The following STXBP4 variants were observed in gnomAD, a reference collection of about 807,000 sequenced individuals.
STXBP4 encodes syntaxin binding protein 4, also known as syntaxin-binding protein 4.
STXBP4 carries 55 observed loss-of-function variants against 76.1 expected under a neutral mutation model. That is an observed-to-expected ratio of 0.72 (90% CI 0.58 to 0.91). STXBP4 has a LOEUF of 0.91. Ranked by LOEUF, STXBP4 falls within the 40% of genes least tolerant of loss-of-function variation. The probability of loss-of-function intolerance (pLI) is 0.00; values close to 1 mark genes in which losing one functional copy is unlikely to be tolerated. For missense variants in STXBP4, 618 were observed against 636.9 expected (o/e 0.97, Z 0.32); for synonymous variants, 201 against 220.2 (o/e 0.91, Z 0.77).
chr17:55,138,574 A>G (rs2080061083), intron 16 of STXBP4, among the ~76,000 whole-genome samples: 1 of 152,114 alleles, frequency 6.6e-6, no homozygotes, highest in Non-Finnish European at 1.5e-5. Flanking sequence ...CAATACTTCT[A>G]ATCAAAAGCA....
the STXBP4 span, among the ~76,000 whole-genome samples, chr17:55,196,348 C>G: frequency 6.6e-6 from 1 of 152,146 alleles, no homozygotes; most frequent in Non-Finnish European, 1.5e-5. Context: ...ACCCCATACT[C>G]CAGCCAGCTC....
intron 17 of STXBP4, among the ~76,000 whole-genome samples, chr17:55,155,424 G>A (rs1488660040): frequency 6.6e-6 from 1 of 151,772 alleles, no homozygotes; most frequent in African/African-American, 2.4e-5. Context: ...AAAGTTACTG[G>A]TGCCTGAAAC....
At chr17:55,061,009 G>A (rs919611931) in intron 12 of STXBP4, among the ~76,000 whole-genome samples, 1 of 152,150 alleles carries the variant, frequency 6.6e-6, no homozygotes, top group Non-Finnish European at 1.5e-5. Context: ...AAATTCTCTG[G>A]GTTCAGATAA....
At chr17:55,095,423 T>C (rs2079472401) in intron 16 of STXBP4, among the ~76,000 whole-genome samples, 1 of 152,160 alleles carries the variant, frequency 6.6e-6, no homozygotes, top group Non-Finnish European at 1.5e-5. Context: ...CCAAACTGAA[T>C]GCCTTATTTT....
intron 4 of STXBP4, among the ~76,000 whole-genome samples, chr17:54,993,899 A>G (rs2077758282): frequency 6.6e-6 from 1 of 152,206 alleles, no homozygotes; most frequent in Non-Finnish European, 1.5e-5. Flanking sequence ...TCCAAACTGT[A>G]AGGGAGTTAT....
the STXBP4 span, among the ~76,000 whole-genome samples, chr17:55,183,335 C>G: frequency 6.6e-6 from 1 of 152,098 alleles, no homozygotes; most frequent in Non-Finnish European, 1.5e-5. Flanking sequence ...CCTGTAAACC[C>G]AGCACTTTAG....
chr17:55,104,566 G>C (rs558482643), intron 16 of STXBP4, among the ~76,000 whole-genome samples: 5 of 152,172 alleles, frequency 3.3e-5, no homozygotes, highest in African/African-American at 1.2e-4. Context: ...TCGTTCATCA[G>C]GGATATTGGC....
chr17:55,180,154 A>G, the STXBP4 span, among the ~76,000 whole-genome samples: 12 of 152,028 alleles, frequency 7.9e-5, no homozygotes, highest in Non-Finnish European at 4.4e-5. Context: ...CACAAAACCA[A>G]CTCAACAGAG....
At chr17:55,079,527 G>T (rs2079230139) in intron 15 of STXBP4, among the ~76,000 whole-genome samples, 1 of 151,608 alleles carries the variant, frequency 6.6e-6, no homozygotes, top group Non-Finnish European at 1.5e-5. Flanking sequence ...GGAGGCTGAG[G>T]CAGGGGGATC....
Position 55,081,193 on chromosome 17 carries a change from C to G in STXBP4, c.1489+10C>G. The stretch of plus-strand genomic sequence containing the variant: ...TTACTTGATATGGATTGTAAGTTTT[C>G]TGCATTTTTTCACTTTTTAAAAGTA... On this transcript the variant is annotated intron_variant, in intron 16 of 17. Transcript: ENST00000376352. 7.0e-7 allele frequency: 1 copy of G among 1,437,232 alleles called. No individual in the cohort carries two copies. The highest frequency in any genetic ancestry group is 9.2e-7 in the Non-Finnish European group (1 of 1,091,100). 89.0% of individuals were successfully genotyped at this position (1,437,232 alleles called of 1,614,324 possible).
intron 10 of STXBP4, among the ~76,000 whole-genome samples, chr17:55,034,781 G>A (rs1392000597): frequency 1.3e-5 from 2 of 152,008 alleles, no homozygotes; most frequent in African/African-American, 2.4e-5. Context: ...AAAAAATTGG[G>A]TAACTACTCT....
chr17:55,070,560 T>A (rs1201205351), intron 12 of STXBP4, among the ~76,000 whole-genome samples: 2 of 152,176 alleles, frequency 1.3e-5, no homozygotes, highest in African/African-American at 4.8e-5. Context: ...TGGCCACATC[T>A]CTCCATCTGG....
intron 16 of STXBP4, among the ~76,000 whole-genome samples, chr17:55,120,825 T>A (rs2145089177): frequency 6.6e-6 from 1 of 151,618 alleles, no homozygotes; most frequent in Admixed American, 6.6e-5. Flanking sequence ...GTTTTTTTTT[T>A]AAGTAATTTG....
At chr17:55,111,725 T>C (rs1381712571) in intron 16 of STXBP4, among the ~76,000 whole-genome samples, 1 of 152,202 alleles carries the variant, frequency 6.6e-6, no homozygotes, top group Non-Finnish European at 1.5e-5. Context: ...GGTGCCATGT[T>C]TGTATAGCCT....
chr17:55,098,100 C>CT (rs976927986), intron 16 of STXBP4, among the ~76,000 whole-genome samples: 6 of 151,898 alleles, frequency 4.0e-5, no homozygotes, highest in African/African-American at 1.5e-4. Flanking sequence ...TCCGCACCTC[C>CT]TTTTTTTTGA....
chr17:55,156,017 A>T (rs561600318), intron 17 of STXBP4, among the ~76,000 whole-genome samples: 3 of 152,282 alleles, frequency 2.0e-5, no homozygotes, highest in East Asian at 3.9e-4. Context: ...GGCAAATAGT[A>T]TTATGCTTTT....
chr17:55,182,218 T>C, the STXBP4 span, among the ~76,000 whole-genome samples: 3 of 152,166 alleles, frequency 2.0e-5, no homozygotes. Context: ...TCACAAACTT[T>C]AGCAATTCTT....
intron 1 of STXBP4, among the ~76,000 whole-genome samples, chr17:54,978,778 A>G (rs2077506830): frequency 6.6e-6 from 1 of 152,196 alleles, no homozygotes; most frequent in Non-Finnish European, 1.5e-5. Context: ...GGAAATAAAA[A>G]TAACAGTAAA....
intron 7 of STXBP4, among the ~76,000 whole-genome samples, chr17:55,004,270 C>T (rs146312190): frequency 2.3e-4 from 35 of 151,992 alleles, no homozygotes; most frequent in Non-Finnish European, 2.1e-4. Context: ...TCCTTTAGAC[C>T]AAGTCTTTTG....
Sources: gnomAD v4.1 joint callset for allele counts (sites outside exome capture counted in the v4.1 genomes callset) on GRCh38, gnomAD v4.1.1 for gene constraint, MANE v1.5 for transcripts, NCBI Gene and HGNC (gene_info 2026-07-23, HGNC 2026-07-21) for gene names.